TNRC6B: variants seen among roughly 807,000 people sequenced by gnomAD.
The protein encoded by TNRC6B is trinucleotide repeat-containing gene 6B protein.
A neutral mutation model predicts 203.6 loss-of-function variants in TNRC6B; 52 were observed. The observed-to-expected ratio is 0.26, with a 90% confidence interval of 0.20 to 0.32. TNRC6B has a LOEUF of 0.32. Ranked by LOEUF, TNRC6B falls within the 10% of genes least tolerant of loss-of-function variation. TNRC6B has a pLI of 1.00. For missense variants in TNRC6B, 1,923 were observed against 2,286.2 expected (o/e 0.84, Z 3.24); for synonymous variants, 838 against 845.7 (o/e 0.99, Z 0.16).
At chr22:40,049,672 T>G (rs1026092443) in intron 1 of TNRC6B, among the ~76,000 whole-genome samples, 4 of 151,320 alleles carry the variant, frequency 2.6e-5, no homozygotes, top group African/African-American at 9.7e-5. Flanking sequence ...GGTGTGATTT[T>G]GGCTCGCTGC....
chr22:40,239,920 T>A (rs1198805752), intron 1 of TNRC6B, among the ~76,000 whole-genome samples: 1 of 151,982 alleles, frequency 6.6e-6, no homozygotes, highest in Admixed American at 6.6e-5. Context: ...TCACTGCAAC[T>A]TCTGCCTCCC....
intron 1 of TNRC6B, chr22:40,106,451 A>C: frequency 1.2e-6 from 1 of 813,020 alleles, no homozygotes; most frequent in Non-Finnish European, 2.1e-6. Context: ...ACAGGAAGTT[A>C]TTTGCTTCTT....
intron 1 of TNRC6B, among the ~76,000 whole-genome samples, chr22:40,075,150 ATATATATTTTTTT>A (rs1465400340): frequency 2.9e-5 from 2 of 69,334 alleles, no homozygotes; most frequent in African/African-American, 2.1e-4. Flanking sequence ...ATATATATAT[ATATATATTTTTTT>A]TTTTTTTTTT....
intron 1 of TNRC6B, among the ~76,000 whole-genome samples, chr22:40,059,822 T>TTTG (rs201433472): frequency 8.3e-5 from 12 of 144,164 alleles, no homozygotes; most frequent in African/African-American, 3.4e-4. Flanking sequence ...TTGGTTTTTT[T>TTTG]TTTTTTTTTT....
rs2069589392 is a variant in TNRC6B, at chr22:40,213,295, A to AGCC, written c.6-32719_6-32717dup. Among the ~76,000 whole-genome samples, 4 of 152,212 alleles carry AGCC rather than the reference A, an allele frequency of 2.6e-5. No individual in the cohort carries two copies. In the South Asian group the frequency reaches 8.3e-4, roughly 31 times the overall value. ...AAGAGCACATGGTGAAGGGACACAA[A>AGCC]GCCTGCAGTGAGAGGCCATCAGGGA... On this transcript the variant is annotated intron_variant, in intron 1 of 22. Coordinates refer to ENST00000454349, the MANE Select transcript of TNRC6B (RefSeq NM_001162501.2).
chr22:40,200,369 C>T (rs1379457509), intron 1 of TNRC6B, among the ~76,000 whole-genome samples: 5 of 132,014 alleles, frequency 3.8e-5, no homozygotes, highest in Admixed American at 1.8e-4. Flanking sequence ...TCACTACAAC[C>T]TCTGCCTGCC....
intron 4 of TNRC6B, among the ~76,000 whole-genome samples, chr22:40,160,591 CTGAT>C (rs1470780078): frequency 1.3e-5 from 2 of 151,986 alleles, no homozygotes; most frequent in Non-Finnish European, 2.9e-5. Context: ...GATTGATTGA[CTGAT>C]TGACAGGCTA....
intron 4 of TNRC6B, among the ~76,000 whole-genome samples, chr22:40,160,827 C>T (rs906226403): frequency 2.0e-5 from 3 of 152,140 alleles, no homozygotes; most frequent in Admixed American, 1.3e-4. Flanking sequence ...ACCTCAGCCT[C>T]CCAAAGTCCT....
chr22:40,261,968 C>T lies in TNRC6B; in HGVS notation c.252C>T (p.Ala84=). 1 of 1,612,732 alleles carries T rather than the reference C, an allele frequency of 6.2e-7. No individual in the cohort carries two copies. Among genetic ancestry groups the T allele is most frequent in the Non-Finnish European group, 8.5e-7 (1 of 1,179,172 alleles). ...CGAACGGACAACCGCCAAGCGCCGC[C>T]CGCTACATGCCTCGGGAGGTGCCGC... ...AVPNGQPPSA[A]RYMPREVPPR... The change falls in exon 4 of 23, where the codon GCC becomes GCT. Residue 84 remains alanine (A), a synonymous_variant. Transcript: ENST00000454349.
At chr22:40,199,838 G>C (rs1039765236) in intron 1 of TNRC6B, among the ~76,000 whole-genome samples, 1 of 152,040 alleles carries the variant, frequency 6.6e-6, no homozygotes, top group African/African-American at 2.4e-5. Context: ...CTGTCGCCCA[G>C]GCTGGAGTGC....
Position 40,265,079 on chromosome 22 carries a change from T to A in TNRC6B, c.849T>A (p.Asn283Lys), listed in dbSNP as rs780059975. The change falls in exon 5 of 23, where the codon AAT becomes AAA. Residue 283 changes from asparagine (N) to lysine (K), a missense_variant. By Grantham distance (94) the Asn-to-Lys change is moderately conservative. Around this residue, in one of 8 missense-constraint regions of TNRC6B, gnomAD observed 614 missense variants for 587.7 expected, o/e 1.04. Transcript: ENST00000454349. ...STTENNNGLG[N>K]WRNVSGQDRI... Reference sequence around the variant, plus strand: ...CAGAGAACAACAATGGACTAGGAAATTGGAGGAATGTGAGTGGTCAGGATA... The same window carrying A: ...CAGAGAACAACAATGGACTAGGAAAATGGAGGAATGTGAGTGGTCAGGATA... 2 of 1,613,874 alleles carry A rather than the reference T, an allele frequency of 1.2e-6. No individual in the cohort carries two copies. The highest frequency in any genetic ancestry group is 1.7e-6 in the Non-Finnish European group (2 of 1,179,884).
intron 12 of TNRC6B, among the ~76,000 whole-genome samples, chr22:40,297,186 C>G (rs1198512817): frequency 1.3e-5 from 2 of 152,182 alleles, no homozygotes; most frequent in African/African-American, 4.8e-5. Flanking sequence ...GACAACTTCT[C>G]TCTTTTGGAT....
intron 4 of TNRC6B, among the ~76,000 whole-genome samples, chr22:40,157,042 T>A (rs1487534962): frequency 6.6e-6 from 1 of 152,080 alleles, no homozygotes; most frequent in Non-Finnish European, 1.5e-5. Context: ...CCCAAAGTGC[T>A]GGGATTGCAG....
chr22:40,125,859 C>G (rs758725015), exon 3 of TNRC6B: 13 of 1,611,810 alleles, frequency 8.1e-6, no homozygotes, highest in Non-Finnish European at 1.1e-5. Context: ...AAAGCAGTTC[C>G]AAGGTCAGTA....
At chr22:40,047,543 C>T (rs1183659905) in intron 1 of TNRC6B, among the ~76,000 whole-genome samples, 2 of 151,862 alleles carry the variant, frequency 1.3e-5, no homozygotes, top group Non-Finnish European at 2.9e-5. Context: ...GCGGAGGTTG[C>T]AGTGAGCCGA....
In TNRC6B at chr22:40,147,287, A is replaced by G. The variant is rs1170189469; in HGVS notation, c.46-8828A>G. 2.6e-5 allele frequency among the ~76,000 whole-genome samples: 4 copies of G among 152,266 alleles called. No individual in the cohort carries two copies. The East Asian group carries it at 7.7e-4, about 29-fold the overall frequency. On this transcript the variant is annotated intron_variant, in intron 3 of 23. Coordinates refer to the TNRC6B transcript ENST00000301923. ...GAAAGTGGAATGGTGCTTGTTAGGG[A>G]CTGGGGGGAGCAGGGACTGGGGAGT... is the stretch of plus-strand genomic sequence containing the variant.
intron 1 of TNRC6B, among the ~76,000 whole-genome samples, chr22:40,226,805 C>T (rs991840769): frequency 1.3e-5 from 2 of 152,170 alleles, no homozygotes; most frequent in African/African-American, 4.8e-5. Context: ...GAGACTTGGT[C>T]ATTGGTCAGT....
intron 2 of TNRC6B, among the ~76,000 whole-genome samples, chr22:40,248,264 A>G (rs1015872583): frequency 7.2e-5 from 11 of 151,728 alleles, no homozygotes; most frequent in African/African-American, 1.7e-4. Flanking sequence ...TGCACCCTCC[A>G]CCTCCAACTG....
intron 4 of TNRC6B, among the ~76,000 whole-genome samples, chr22:40,170,671 G>T (rs62638153): frequency 9.6e-6 from 1 of 104,374 alleles, no homozygotes; most frequent in African/African-American, 3.5e-5. Context: ...CATCACATTT[G>T]AAAACAATTC....
Sources: allele counts gnomAD v4.1 joint callset (sites outside exome capture counted in the v4.1 genomes callset), GRCh38; gene constraint gnomAD v4.1.1; regional missense constraint gnomAD v4.1.1; transcripts MANE v1.5; gene names NCBI Gene and HGNC (gene_info 2026-07-23, HGNC 2026-07-21).